RBFOX1: variants seen among roughly 807,000 people sequenced by gnomAD.
The protein encoded by RBFOX1 is RNA binding fox-1 homolog 1.
A neutral mutation model predicts 57.7 loss-of-function variants in RBFOX1; 8 were observed. The ratio of observed to expected loss-of-function variants is 0.14; its 90% CI spans 0.08 to 0.25. The LOEUF is 0.25. Among genes scored for constraint, RBFOX1 ranks in the 10% least tolerant of loss-of-function variants. RBFOX1 has a pLI of 1.00. For synonymous variants in RBFOX1, 326 were observed against 222.4 expected, an observed-to-expected ratio of 1.47 and a Z score of -4.15; for missense variants, 611 against 548.5, an observed-to-expected ratio of 1.11 and a Z score of -1.14.
chr16:5,867,303 G>A, exon 4 of RBFOX1: 3 of 1,205,760 alleles, frequency 2.5e-6, no homozygotes, highest in African/African-American at 1.6e-5. Flanking sequence ...TAACTTGCAG[G>A]TTTCGGCAAG....
intron 2 of RBFOX1, among the ~76,000 whole-genome samples, chr16:6,509,784 AT>A (rs1457417144): frequency 1.3e-5 from 2 of 152,192 alleles, no homozygotes; most frequent in Non-Finnish European, 2.9e-5. Flanking sequence ...CTGTACCAAA[AT>A]ATCTCATGTA....
Position 7,462,565 on chromosome 16 carries a change from G to C in RBFOX1, c.28-55582G>C, listed in dbSNP as rs141220116. On this transcript the variant is annotated intron_variant, in intron 4 of 15. Coordinates refer to ENST00000550418, the MANE Select transcript of RBFOX1 (RefSeq NM_018723.4). ...CTCTGTGGGTTAGAAGTGTAACTTCGGCATGACTCAACTGGGTCCTCTGTT... is the reference window on the plus strand; with the variant it reads ...CTCTGTGGGTTAGAAGTGTAACTTCCGCATGACTCAACTGGGTCCTCTGTT... Among the ~76,000 whole-genome samples, 10 of 152,338 alleles carry C rather than the reference G, an allele frequency of 6.6e-5. No individual in the cohort carries two copies. The East Asian group carries it at 1.9e-3, about 29-fold the overall frequency.
At chr16:6,957,135 T>C (rs1598353020) in intron 3 of RBFOX1, among the ~76,000 whole-genome samples, 1 of 150,204 alleles carries the variant, frequency 6.7e-6, no homozygotes. Context: ...TTTATTTATT[T>C]ATTTATTTAT....
chr16:7,277,870 G>T (rs962502635), intron 4 of RBFOX1, among the ~76,000 whole-genome samples: 1 of 151,130 alleles, frequency 6.6e-6, no homozygotes, highest in African/African-American at 2.4e-5. Context: ...AGCTCTTCTA[G>T]AGACATTCTT....
chr16:6,196,826 T>C (rs2097183029), intron 1 of RBFOX1, among the ~76,000 whole-genome samples: 1 of 151,988 alleles, frequency 6.6e-6, no homozygotes, highest in African/African-American at 2.4e-5. Flanking sequence ...TGTTTACATA[T>C]GGAGACATTG....
intron 12 of RBFOX1, among the ~76,000 whole-genome samples, chr16:7,656,295 T>A (rs952109611): frequency 2.6e-5 from 4 of 152,170 alleles, no homozygotes; most frequent in Admixed American, 1.3e-4. Flanking sequence ...TGGGAATGAA[T>A]TGGCACGGAA....
At chr16:5,724,955 G>A (rs11640783) in intron 3 of RBFOX1, among the ~76,000 whole-genome samples, 2 of 152,182 alleles carry the variant, frequency 1.3e-5, no homozygotes, top group South Asian at 2.1e-4. Flanking sequence ...CTGGGGAAGG[G>A]CCATGTATCA....
intron 3 of RBFOX1, among the ~76,000 whole-genome samples, chr16:5,811,041 C>G (rs755321453): frequency 5.3e-5 from 8 of 152,100 alleles, no homozygotes; most frequent in Non-Finnish European, 1.2e-4. Context: ...TCCTGCCCCT[C>G]CCTGCTCCCA....
intron 4 of RBFOX1, among the ~76,000 whole-genome samples, chr16:7,249,189 G>A (rs1156796968): frequency 6.6e-6 from 1 of 152,204 alleles, no homozygotes; most frequent in Non-Finnish European, 1.5e-5. Flanking sequence ...CTTCAGCTAA[G>A]TTGACTACAT....
At chr16:6,727,986 C>A (rs1400617525) in intron 3 of RBFOX1, among the ~76,000 whole-genome samples, 1 of 152,122 alleles carries the variant, frequency 6.6e-6, no homozygotes, top group Admixed American at 6.5e-5. Flanking sequence ...CTTTAAATTC[C>A]CTATCTGTAA....
rs542335015 is a variant in RBFOX1, at chr16:6,709,856, G to T, written c.-16+55206G>T. Among the ~76,000 whole-genome samples, 21 of 152,284 alleles carry T rather than the reference G, an allele frequency of 1.4e-4. No individual in the cohort carries two copies. In the East Asian group the frequency reaches 4.1e-3, roughly 29 times the overall value. On this transcript the variant is annotated intron_variant, in intron 3 of 15. Coordinates refer to ENST00000550418, the MANE Select transcript of RBFOX1 (RefSeq NM_018723.4). ...ACGCTGGCTGGTACACAACCGGAAG[G>T]TATGGGGAGGCTGGAGAGGGAACGG... is the stretch of plus-strand genomic sequence containing the variant.
At chr16:6,387,093 A>G (rs749406616) in intron 2 of RBFOX1, among the ~76,000 whole-genome samples, 1 of 152,204 alleles carries the variant, frequency 6.6e-6, no homozygotes, top group Non-Finnish European at 1.5e-5. Flanking sequence ...GGTAAAGTCA[A>G]AGTCCATTGG....
intron 1 of RBFOX1, among the ~76,000 whole-genome samples, chr16:6,183,308 G>A (rs1251472283): frequency 7.3e-5 from 11 of 151,560 alleles, no homozygotes; most frequent in Admixed American, 2.6e-4. Context: ...GTGAAACCCT[G>A]TCTCTACTAA....
intron 3 of RBFOX1, among the ~76,000 whole-genome samples, chr16:6,986,835 G>A (rs1347989765): frequency 6.6e-6 from 1 of 152,104 alleles, no homozygotes; most frequent in Non-Finnish European, 1.5e-5. Flanking sequence ...TGTTTCACTT[G>A]TCTTGGTTGA....
chr16:6,696,407 T>G (rs1341770829), intron 3 of RBFOX1, among the ~76,000 whole-genome samples: 1 of 152,234 alleles, frequency 6.6e-6, no homozygotes, highest in Non-Finnish European at 1.5e-5. Context: ...CAATTCATTT[T>G]CTTCCTAGTG....
At chr16:6,555,308 T>A (rs928230728) in intron 2 of RBFOX1, among the ~76,000 whole-genome samples, 1 of 152,180 alleles carries the variant, frequency 6.6e-6, no homozygotes, top group South Asian at 2.1e-4. Context: ...TCAATAGTTA[T>A]AAAACCCATC....
intron 3 of RBFOX1, among the ~76,000 whole-genome samples, chr16:6,879,668 G>A (rs2062530319): frequency 6.6e-6 from 1 of 152,174 alleles, no homozygotes; most frequent in Admixed American, 6.5e-5. Context: ...TGTTATTTCA[G>A]TTAACTATGT....
intron 4 of RBFOX1, among the ~76,000 whole-genome samples, chr16:7,502,739 A>G (rs1379556548): frequency 6.6e-6 from 1 of 152,182 alleles, no homozygotes; most frequent in Admixed American, 6.5e-5. Context: ...ATGATTCTGA[A>G]TTGGCTGGGA....
At chr16:6,203,995 T>TTTC in intron 1 of RBFOX1, among the ~76,000 whole-genome samples, 1 of 151,554 alleles carries the variant, frequency 6.6e-6, no homozygotes, top group South Asian at 2.1e-4. Context: ...TTTTTTTTTT[T>TTTC]CGTGAATGAC....
Sources: allele counts gnomAD v4.1 joint callset (sites outside exome capture counted in the v4.1 genomes callset), GRCh38; gene constraint gnomAD v4.1.1; transcripts MANE v1.5; gene names NCBI Gene and HGNC (gene_info 2026-07-23, HGNC 2026-07-21).